Variants in NEDD4L observed in about 807,000 individuals in gnomAD.
NEDD4L encodes NEDD4 like E3 ubiquitin protein ligase.
A neutral mutation model predicts 148.9 loss-of-function variants in NEDD4L; 54 were observed. The observed-to-expected ratio is 0.36, with a 90% CI of 0.29 to 0.45. NEDD4L has a LOEUF of 0.45. Among genes scored for constraint, NEDD4L ranks in the 20% least tolerant of loss-of-function variants. The pLI is 1.00. For missense variants in NEDD4L, 856 were observed against 1,233.8 expected (o/e 0.69, Z 4.59); for synonymous variants, 433 against 440.7 (o/e 0.98, Z 0.22).
rs565757 is a variant in NEDD4L at position 58,165,518 on chromosome 18, A to G, written c.49-270A>G. 147,568 of 301,552 alleles carry G rather than the reference A, an allele frequency of 0.49. 36,515 individuals carry two copies. Among genetic ancestry groups the G allele is most frequent in the Admixed American group, 0.56 (8,629 of 15,480 alleles). The allele number at this position is 301,552 out of a possible 1,614,324, so 18.7% of individuals were successfully genotyped here. On this transcript the variant is annotated intron_variant, in intron 1 of 30. Coordinates refer to ENST00000400345, the MANE Select transcript of NEDD4L (RefSeq NM_001144967.3). Reference sequence around the variant, plus strand: ...GTACAGCTGGAAAAGCTAACTTTAAATGGCAGGAGTAATTGATCTTAATGA... The same window carrying G: ...GTACAGCTGGAAAAGCTAACTTTAAGTGGCAGGAGTAATTGATCTTAATGA...
intron 1 of NEDD4L, among the ~76,000 whole-genome samples, chr18:58,163,202 C>T (rs1363306523): frequency 6.6e-6 from 1 of 152,204 alleles, no homozygotes; most frequent in Non-Finnish European, 1.5e-5. Context: ...TTCAGCACCT[C>T]CCCGAGTAAG....
chr18:58,304,385 A>T (rs1219470177), intron 5 of NEDD4L, among the ~76,000 whole-genome samples: 1 of 151,754 alleles, frequency 6.6e-6, no homozygotes, highest in Non-Finnish European at 1.5e-5. Context: ...GTGGTAGTAC[A>T]TGCCTGTAGT....
intron 2 of NEDD4L, among the ~76,000 whole-genome samples, chr18:58,243,942 GGTAATAAAT>G (rs2046944216): frequency 2.6e-5 from 4 of 151,970 alleles, no homozygotes; most frequent in Non-Finnish European, 5.9e-5. Flanking sequence ...ACATCTTATG[GGTAATAAAT>G]ACACACGTGA....
chr18:58,318,996 G>A (rs1412255918), intron 6 of NEDD4L, among the ~76,000 whole-genome samples: 5 of 152,218 alleles, frequency 3.3e-5, no homozygotes, highest in Admixed American at 2.6e-4. Context: ...TTTCAGGGTG[G>A]TGGTATTATT....
At chr18:58,194,088 G>A (rs538297046) in intron 2 of NEDD4L, 4 of 152,262 alleles carry the variant, frequency 2.6e-5, no homozygotes, top group Non-Finnish European at 5.9e-5. Context: ...ACGAGTCTGT[G>A]GGAAAGAATG....
intron 1 of NEDD4L, among the ~76,000 whole-genome samples, chr18:58,111,387 C>G (rs2085409185): frequency 6.9e-6 from 1 of 145,570 alleles, no homozygotes; most frequent in African/African-American, 2.6e-5. Context: ...ATTTTTATTA[C>G]CCATAAAAGG....
intron 1 of NEDD4L, among the ~76,000 whole-genome samples, chr18:58,050,600 A>G (rs1449369549): frequency 6.6e-6 from 1 of 151,966 alleles, no homozygotes; most frequent in Admixed American, 6.6e-5. Context: ...GTCTTTACTA[A>G]AAATACAAAA....
chr18:58,319,552 G>C lies in NEDD4L; in HGVS notation c.349-2873G>C, dbSNP rs1007609705. 2.6e-5 allele frequency among the ~76,000 whole-genome samples: 4 copies of C among 152,302 alleles called. No homozygotes were observed. In the South Asian group the frequency reaches 8.3e-4, roughly 32 times the overall value. ...GAACGGGGGCAGCATTGTGGCTATT[G>C]TGGCTAATAGCACTGTTTGCAGCAG... On this transcript the variant is annotated intron_variant, in intron 6 of 30. Coordinates refer to ENST00000400345, the MANE Select transcript of NEDD4L (RefSeq NM_001144967.3).
intron 5 of NEDD4L, among the ~76,000 whole-genome samples, chr18:58,308,540 T>A (rs1040143352): frequency 1.3e-5 from 2 of 152,198 alleles, no homozygotes; most frequent in African/African-American, 4.8e-5. Context: ...TTCCCCTAGA[T>A]CTGTAACCAA....
chr18:58,149,569 G>T, intron 1 of NEDD4L: 1 of 1,532,164 alleles, frequency 6.5e-7, no homozygotes, highest in Non-Finnish European at 8.9e-7. Flanking sequence ...GGTAACACTC[G>T]GTAAGACTTT....
chr18:58,086,557 C>T (rs983018116), intron 1 of NEDD4L, among the ~76,000 whole-genome samples: 3 of 152,190 alleles, frequency 2.0e-5, no homozygotes, highest in African/African-American at 7.2e-5. Context: ...TCAAGTCTCT[C>T]ATTTTTAGCC....
At chr18:58,310,018 G>C (rs954475013) in intron 5 of NEDD4L, among the ~76,000 whole-genome samples, 2 of 152,212 alleles carry the variant, frequency 1.3e-5, no homozygotes, top group South Asian at 4.1e-4. Context: ...GCTTGCGCTT[G>C]CTCTCGCTCT....
intron 1 of NEDD4L, among the ~76,000 whole-genome samples, chr18:58,147,662 C>T (rs548031122): frequency 2.6e-5 from 4 of 152,196 alleles, no homozygotes; most frequent in South Asian, 2.1e-4. Flanking sequence ...GAAGTACACG[C>T]GAGTTCAGTT....
intron 1 of NEDD4L, among the ~76,000 whole-genome samples, chr18:58,138,025 A>G (rs1164334537): frequency 6.6e-6 from 1 of 152,106 alleles, no homozygotes; most frequent in Admixed American, 6.5e-5. Flanking sequence ...TGACCTGGGC[A>G]GGGCCCCGGG....
chr18:58,067,270 C>G (rs1208208675), intron 1 of NEDD4L, among the ~76,000 whole-genome samples: 1 of 152,124 alleles, frequency 6.6e-6, no homozygotes, highest in Non-Finnish European at 1.5e-5. Context: ...AATTCAAATA[C>G]CATTCTTACA....
chr18:58,051,984 T>C (rs1043811091), intron 1 of NEDD4L, among the ~76,000 whole-genome samples: 2 of 152,216 alleles, frequency 1.3e-5, no homozygotes, highest in Non-Finnish European at 2.9e-5. Flanking sequence ...ATGTTTGTGC[T>C]GTTCACTGTT....
chr18:58,213,074 T>C (rs896361412), intron 2 of NEDD4L, among the ~76,000 whole-genome samples: 39 of 152,328 alleles, frequency 2.6e-4, no homozygotes, highest in African/African-American at 8.9e-4. Flanking sequence ...ATAACACTTT[T>C]TGATAGCAAG....
intron 1 of NEDD4L, among the ~76,000 whole-genome samples, chr18:58,071,311 G>A (rs1165271216): frequency 6.6e-6 from 1 of 151,990 alleles, no homozygotes; most frequent in Admixed American, 6.6e-5. Flanking sequence ...GCAAGACTCT[G>A]CCTCTTAAAA....
At chr18:58,236,833 G>A (rs1052913349) in intron 2 of NEDD4L, among the ~76,000 whole-genome samples, 5 of 152,056 alleles carry the variant, frequency 3.3e-5, no homozygotes, top group East Asian at 1.9e-4. Context: ...AGACTAGCCC[G>A]ACCAACATGG....
Sources: allele counts gnomAD v4.1 joint callset (sites outside exome capture counted in the v4.1 genomes callset), GRCh38; gene constraint gnomAD v4.1.1; transcripts MANE v1.5; gene names NCBI Gene and HGNC (gene_info 2026-07-23, HGNC 2026-07-21).